Variants in POU2AF2 observed in about 807,000 individuals in gnomAD.
POU2AF2 encodes POU domain class 2-associating factor 2.
At chr11:111,257,517 T>A in the POU2AF2 span, among the ~76,000 whole-genome samples, 1 of 151,976 alleles carries the variant, frequency 6.6e-6, no homozygotes, top group Non-Finnish European at 1.5e-5. Context: ...TACAGGCGCC[T>A]GCCACCACGC....
the POU2AF2 span, among the ~76,000 whole-genome samples, chr11:111,269,410 C>G: frequency 1.3e-5 from 2 of 152,072 alleles, no homozygotes; most frequent in Non-Finnish European, 2.9e-5. Context: ...TTCTGTGTTC[C>G]CCACCCAACC....
At chr11:111,256,967 T>C in the POU2AF2 span, among the ~76,000 whole-genome samples, 1 of 152,254 alleles carries the variant, frequency 6.6e-6, no homozygotes, top group East Asian at 1.9e-4. Flanking sequence ...ATCCATGTCT[T>C]TATAAATAGT....
chr11:111,267,675 G>C, the POU2AF2 span, among the ~76,000 whole-genome samples: 1 of 152,136 alleles, frequency 6.6e-6, no homozygotes. Context: ...GTGAAACATA[G>C]AGTTTACCAG....
the POU2AF2 span, among the ~76,000 whole-genome samples, chr11:111,278,712 T>A: frequency 1.3e-5 from 2 of 152,230 alleles, no homozygotes; most frequent in African/African-American, 4.8e-5. Flanking sequence ...TTTTTGTTAT[T>A]TAAGCCATGC....
At chr11:111,263,427 C>CTTTTTTTT in the POU2AF2 span, among the ~76,000 whole-genome samples, 13 of 96,144 alleles carry the variant, frequency 1.4e-4, no homozygotes, top group East Asian at 1.8e-3. Flanking sequence ...TACTGAAGTT[C>CTTTTTTTT]TTTTTTTTTT....
chr11:111,282,406 A>G, the POU2AF2 span, among the ~76,000 whole-genome samples: 4 of 152,234 alleles, frequency 2.6e-5, no homozygotes, highest in Non-Finnish European at 4.4e-5. Context: ...CAGCTTTCAA[A>G]TGCATGAGCA....
chr11:111,279,829 G>A, the POU2AF2 span, among the ~76,000 whole-genome samples: 2 of 151,794 alleles, frequency 1.3e-5, no homozygotes, highest in Non-Finnish European at 2.9e-5. Context: ...ATCACCTGAG[G>A]TCAGGAGTTC....
chr11:111,285,660 C>G, the POU2AF2 span: 8 of 1,612,014 alleles, frequency 5.0e-6, no homozygotes, highest in South Asian at 8.8e-5. Flanking sequence ...CAGAGGGACT[C>G]ATGGGAGCAG....
the POU2AF2 span, among the ~76,000 whole-genome samples, chr11:111,259,406 C>A: frequency 6.6e-6 from 1 of 151,518 alleles, no homozygotes; most frequent in South Asian, 2.1e-4. Flanking sequence ...ACCTCTGCCT[C>A]CCGGGCTCAA....
At chr11:111,260,215 G>A in the POU2AF2 span, among the ~76,000 whole-genome samples, 6 of 152,144 alleles carry the variant, frequency 3.9e-5, no homozygotes, top group South Asian at 1.0e-3. Flanking sequence ...CTCATATATC[G>A]AGTAAGTTAA....
At chr11:111,285,765 C>A in the POU2AF2 span, 1 of 1,613,126 alleles carries the variant, frequency 6.2e-7, no homozygotes, top group Non-Finnish European at 8.5e-7. Flanking sequence ...CAGCTTGAGT[C>A]CGGGAGCATC....
At chr11:111,280,054 AAAAAT>A in the POU2AF2 span, among the ~76,000 whole-genome samples, 828 of 91,244 alleles carry the variant, frequency 9.1e-3, 6 homozygotes, top group African/African-American at 0.017. Context: ...AAAAAAAAAA[AAAAAT>A]ATATATATAT....
chr11:111,259,120 A>G, the POU2AF2 span, among the ~76,000 whole-genome samples: 1 of 152,176 alleles, frequency 6.6e-6, no homozygotes, highest in Non-Finnish European at 1.5e-5. Flanking sequence ...GACTATAATA[A>G]CATGTATGTA....
the POU2AF2 span, among the ~76,000 whole-genome samples, chr11:111,277,627 G>T: frequency 6.6e-6 from 1 of 152,228 alleles, no homozygotes; most frequent in Non-Finnish European, 1.5e-5. Flanking sequence ...TGATGCTGAT[G>T]CTCATCGGAT....
At chr11:111,277,894 AG>A in the POU2AF2 span, among the ~76,000 whole-genome samples, 1 of 152,204 alleles carries the variant, frequency 6.6e-6, no homozygotes, top group Non-Finnish European at 1.5e-5. Context: ...TGAAAATGGG[AG>A]GGTAACACTG....
the POU2AF2 span, among the ~76,000 whole-genome samples, chr11:111,257,568 G>T: frequency 1.1e-4 from 16 of 151,968 alleles, no homozygotes; most frequent in Admixed American, 6.5e-4. Flanking sequence ...TAGAGAAGGG[G>T]TTCCACTATG....
At chr11:111,256,440 T>A in the POU2AF2 span, among the ~76,000 whole-genome samples, 1 of 152,260 alleles carries the variant, frequency 6.6e-6, no homozygotes, top group East Asian at 1.9e-4. Flanking sequence ...TCCTATTCCC[T>A]CATAACTGGA....
chr11:111,279,631 A>T, the POU2AF2 span, among the ~76,000 whole-genome samples: 6 of 152,206 alleles, frequency 3.9e-5, no homozygotes, highest in African/African-American at 1.4e-4. Context: ...CTATTAGGAC[A>T]TCAGTCACAT....
chr11:111,268,972 C>T, the POU2AF2 span, among the ~76,000 whole-genome samples: 1 of 152,044 alleles, frequency 6.6e-6, no homozygotes, highest in Non-Finnish European at 1.5e-5. Context: ...AAGAAACCTG[C>T]AATTTTCCTT....
Sources: gnomAD v4.1 joint callset for allele counts (sites outside exome capture counted in the v4.1 genomes callset) on GRCh38, gnomAD v4.1.1 for gene constraint, MANE v1.5 for transcripts, NCBI Gene and HGNC (gene_info 2026-07-23, HGNC 2026-07-21) for gene names.